PDE1A: variants seen among roughly 807,000 people sequenced by gnomAD.
PDE1A encodes dual specificity calcium/calmodulin-dependent 3',5'-cyclic nucleotide phosphodiesterase 1A.
In PDE1A, 35 loss-of-function variants were observed where a neutral mutation model predicts 61.7. That is an observed-to-expected ratio of 0.57 (90% confidence interval 0.43 to 0.75). The LOEUF is 0.75. Among genes scored for constraint, PDE1A ranks in the 30% least tolerant of loss-of-function variants. The pLI, the probability that PDE1A is intolerant of heterozygous loss-of-function variation, is 0.00. For synonymous variants in PDE1A, 232 were observed against 213.2 expected (o/e 1.09, Z -0.77); for missense variants, 597 against 630.6 (o/e 0.95, Z 0.57).
chr2:182,593,716 T>C, the PDE1A span, among the ~76,000 whole-genome samples: 10 of 152,220 alleles, frequency 6.6e-5, no homozygotes, highest in Non-Finnish European at 8.8e-5. Context: ...TTTACCTGTT[T>C]GTCTCTACCA....
chr2:182,295,327 G>T (rs1837166), intron 1 of PDE1A, among the ~76,000 whole-genome samples: 78 of 152,066 alleles, frequency 5.1e-4, no homozygotes, highest in African/African-American at 1.9e-3. Flanking sequence ...ACCCGCCTCG[G>T]CCTCCCAAAG....
chr2:182,342,657 T>C (rs771294894), intron 1 of PDE1A, among the ~76,000 whole-genome samples: 23 of 152,324 alleles, frequency 1.5e-4, no homozygotes, highest in Non-Finnish European at 3.1e-4. Flanking sequence ...CACTCCAGCC[T>C]GGGCAACAAA....
chr2:182,492,300 C>T (rs1445146565), intron 2 of PDE1A, among the ~76,000 whole-genome samples: 2 of 152,118 alleles, frequency 1.3e-5, no homozygotes, highest in Non-Finnish European at 2.9e-5. Flanking sequence ...CTCATACTAG[C>T]TTTTAAGTGC....
At chr2:182,344,731 CTCT>C (rs1262478563) in intron 1 of PDE1A, among the ~76,000 whole-genome samples, 1 of 33,484 alleles carries the variant, frequency 3.0e-5, no homozygotes, top group Non-Finnish European at 8.8e-5. Context: ...TTCTCTCTGT[CTCT>C]CTGTCTCTCT....
chr2:182,290,062 A>G (rs1234046863), intron 1 of PDE1A, among the ~76,000 whole-genome samples: 1 of 152,148 alleles, frequency 6.6e-6, no homozygotes, highest in Non-Finnish European at 1.5e-5. Flanking sequence ...AAAAATATGA[A>G]AAGTAAATAA....
At chr2:182,387,092 G>A (rs1224700483) in intron 1 of PDE1A, among the ~76,000 whole-genome samples, 1 of 152,214 alleles carries the variant, frequency 6.6e-6, no homozygotes, top group Non-Finnish European at 1.5e-5. Flanking sequence ...CTTCTGCCTT[G>A]GGATGCTGTT....
At chr2:182,254,922 T>G (rs562692476) in intron 2 of PDE1A, among the ~76,000 whole-genome samples, 1 of 152,320 alleles carries the variant, frequency 6.6e-6, no homozygotes, top group African/African-American at 2.4e-5. Flanking sequence ...ACGACTGACC[T>G]TGTATATTCA....
chr2:182,569,280 T>TA, the PDE1A span, among the ~76,000 whole-genome samples: 2 of 150,068 alleles, frequency 1.3e-5, no homozygotes, highest in Admixed American at 6.7e-5. Flanking sequence ...TATATATGTA[T>TA]TTCCTGTTGT....
At chr2:182,361,525 G>A (rs1159125515) in intron 1 of PDE1A, among the ~76,000 whole-genome samples, 1 of 152,016 alleles carries the variant, frequency 6.6e-6, no homozygotes, top group South Asian at 2.1e-4. Context: ...TAAATATTTA[G>A]AGGATAAGGA....
At chr2:182,189,790 A>C (rs1685538160) in intron 10 of PDE1A, among the ~76,000 whole-genome samples, 1 of 152,194 alleles carries the variant, frequency 6.6e-6, no homozygotes, top group Admixed American at 6.5e-5. Flanking sequence ...CAAACCTCTA[A>C]TATCACAAGG....
the PDE1A span, among the ~76,000 whole-genome samples, chr2:182,645,628 A>T: frequency 2.6e-5 from 4 of 152,374 alleles, no homozygotes; most frequent in East Asian, 7.7e-4. Flanking sequence ...ATTATGCTCA[A>T]AAAAACAAAA....
chr2:182,345,501 A>C (rs1456355772), intron 1 of PDE1A, among the ~76,000 whole-genome samples: 1 of 152,148 alleles, frequency 6.6e-6, no homozygotes, highest in Non-Finnish European at 1.5e-5. Context: ...ATCTCACTCA[A>C]GGTAAAAACT....
At chr2:182,406,001 C>A (rs1702276495) in intron 1 of PDE1A, among the ~76,000 whole-genome samples, 1 of 151,826 alleles carries the variant, frequency 6.6e-6, no homozygotes, top group Non-Finnish European at 1.5e-5. Flanking sequence ...CTTTATGGAT[C>A]CATCTTAGGT....
the PDE1A span, among the ~76,000 whole-genome samples, chr2:182,573,154 T>G: frequency 6.6e-6 from 1 of 152,132 alleles, no homozygotes; most frequent in Non-Finnish European, 1.5e-5. Flanking sequence ...CCTGATACCG[T>G]TTACAATGTA....
chr2:182,453,450 T>A (rs1210423507), intron 2 of PDE1A, among the ~76,000 whole-genome samples: 1 of 151,056 alleles, frequency 6.6e-6, no homozygotes, highest in East Asian at 2.0e-4. Flanking sequence ...AAAAAATCTG[T>A]GTGCAGGAAA....
At chr2:182,156,923 CA>C (rs1432721308) in intron 13 of PDE1A, among the ~76,000 whole-genome samples, 1 of 151,534 alleles carries the variant, frequency 6.6e-6, no homozygotes, top group African/African-American at 2.4e-5. Context: ...CTTAAAAAAT[CA>C]AAAGATGTAG....
At chr2:182,598,908 C>T in the PDE1A span, among the ~76,000 whole-genome samples, 6 of 152,204 alleles carry the variant, frequency 3.9e-5, no homozygotes, top group Admixed American at 2.0e-4. Context: ...CTTATCTGTG[C>T]TCCACAGTGC....
the PDE1A span, among the ~76,000 whole-genome samples, chr2:182,654,981 T>A: frequency 6.6e-6 from 1 of 152,192 alleles, no homozygotes; most frequent in African/African-American, 2.4e-5. Flanking sequence ...ATTTGTCCTG[T>A]CTAAGGTACC....
chr2:182,384,969 G>A (rs758968211), intron 1 of PDE1A, among the ~76,000 whole-genome samples: 3 of 152,152 alleles, frequency 2.0e-5, no homozygotes, highest in African/African-American at 7.2e-5. Flanking sequence ...ACAGCTAGGA[G>A]CAGACTTATC....
Sources: allele counts gnomAD v4.1 joint callset (sites outside exome capture counted in the v4.1 genomes callset), GRCh38; gene constraint gnomAD v4.1.1; transcripts MANE v1.5; gene names NCBI Gene and HGNC (gene_info 2026-07-23, HGNC 2026-07-21).